The following ZNF423 variants were observed in gnomAD, a reference collection of about 807,000 sequenced individuals.
The protein encoded by ZNF423 is zinc finger protein 423.
ZNF423 carries 12 observed loss-of-function variants against 95.8 expected under a neutral mutation model. The observed-to-expected ratio is 0.13, with a 90% confidence interval of 0.08 to 0.20. The LOEUF (loss-of-function observed/expected upper bound fraction) is 0.20, where lower values mean the gene tolerates loss of function less well. Among genes scored for constraint, ZNF423 ranks in the 10% least tolerant of loss-of-function variants. ZNF423 has a pLI of 1.00. For missense variants in ZNF423, 1,316 were observed against 1,737.1 expected (o/e 0.76, Z 4.31); for synonymous variants, 749 against 711.9 (o/e 1.05, Z -0.83).
intron 5 of ZNF423, among the ~76,000 whole-genome samples, chr16:49,533,984 C>T (rs1331691959): frequency 6.6e-6 from 1 of 151,976 alleles, no homozygotes; most frequent in Non-Finnish European, 1.5e-5. Context: ...ACAGTGAGAC[C>T]CCATCTCTAC....
intron 2 of ZNF423, among the ~76,000 whole-genome samples, chr16:49,746,823 T>C (rs1013331727): frequency 6.6e-6 from 1 of 152,008 alleles, no homozygotes; most frequent in Non-Finnish European, 1.5e-5. Context: ...AAGAACTACT[T>C]CCTCCTAACA....
chr16:49,853,614 C>A, intron 1 of ZNF423: 1 of 985,182 alleles, frequency 1.0e-6, no homozygotes, highest in Non-Finnish European at 1.2e-6. Context: ...TGCCTTTCTC[C>A]TACCAACCTG....
At chr16:49,589,360 T>C (rs571366365) in intron 5 of ZNF423, among the ~76,000 whole-genome samples, 2 of 152,364 alleles carry the variant, frequency 1.3e-5, no homozygotes, top group South Asian at 4.1e-4. Flanking sequence ...CCTCTGCTAC[T>C]CGCTCTACTC....
chr16:49,507,002 G>A (rs985148205), intron 7 of ZNF423, among the ~76,000 whole-genome samples: 9 of 152,008 alleles, frequency 5.9e-5, no homozygotes, highest in Middle Eastern at 3.2e-3. Context: ...TGGGTAGGAC[G>A]GTAAACGTTG....
chr16:49,832,069 G>A (rs1489492832), intron 1 of ZNF423, among the ~76,000 whole-genome samples: 2 of 152,232 alleles, frequency 1.3e-5, no homozygotes, highest in Admixed American at 6.5e-5. Flanking sequence ...CTAAAGTGGA[G>A]GCTCCATAAA....
intron 5 of ZNF423, among the ~76,000 whole-genome samples, chr16:49,575,127 A>T (rs1970456042): frequency 6.6e-6 from 1 of 152,108 alleles, no homozygotes; most frequent in South Asian, 2.1e-4. Flanking sequence ...TCGTAATGAG[A>T]AGAAAGTGGC....
In ZNF423 at chr16:49,728,241, T is replaced by C. The variant is rs1428006716; in HGVS notation, c.301+2530A>G. Among the ~76,000 whole-genome samples the C allele has an allele frequency of 7.9e-5, 12 of 152,336 alleles. 1 individual carries two copies. The East Asian group carries it at 1.7e-3, about 22-fold the overall frequency. On this transcript the variant is annotated intron_variant, in intron 3 of 7. Coordinates refer to ENST00000563137, the MANE Select transcript of ZNF423 (RefSeq NM_001379286.1). The stretch of plus-strand genomic sequence containing the variant: ...CAATTCCCGGTGGTTTATCCCATCA[T>C]TGAGTAATCCTAAGAACCGAAGACC...
intron 1 of ZNF423, among the ~76,000 whole-genome samples, chr16:49,853,427 TA>T (rs1026262768): frequency 1.4e-4 from 21 of 152,250 alleles, no homozygotes; most frequent in African/African-American, 5.1e-4. Context: ...TTCACCCCAG[TA>T]AACAGAATAA....
intron 5 of ZNF423, among the ~76,000 whole-genome samples, chr16:49,567,472 C>A (rs535930216): frequency 6.6e-6 from 1 of 152,230 alleles, no homozygotes; most frequent in Non-Finnish European, 1.5e-5. Context: ...GCTAGACAGA[C>A]CCCAGAAGGG....
At chr16:49,601,242 C>T (rs532770053) in intron 5 of ZNF423, among the ~76,000 whole-genome samples, 120 of 152,284 alleles carry the variant, frequency 7.9e-4, no homozygotes, top group African/African-American at 2.7e-3. Flanking sequence ...CCATACCACG[C>T]GGGTTCCCAT....
chr16:49,698,452 C>G (rs750981008), intron 3 of ZNF423, among the ~76,000 whole-genome samples: 3 of 152,240 alleles, frequency 2.0e-5, no homozygotes, highest in Non-Finnish European at 2.9e-5. Context: ...GGTCCGCCAA[C>G]CATCCCCCGA....
intron 3 of ZNF423, among the ~76,000 whole-genome samples, chr16:49,701,867 A>T (rs940826770): frequency 2.6e-5 from 4 of 152,144 alleles, no homozygotes; most frequent in African/African-American, 9.7e-5. Context: ...AAGAAAAAAA[A>T]TCTCCCCACA....
chr16:49,597,225 G>T (rs931745794), intron 5 of ZNF423, among the ~76,000 whole-genome samples: 10 of 152,140 alleles, frequency 6.6e-5, no homozygotes, highest in Non-Finnish European at 1.3e-4. Context: ...CACAGCCCAG[G>T]CCTCACAATG....
intron 7 of ZNF423, among the ~76,000 whole-genome samples, chr16:49,508,028 T>C (rs1164449589): frequency 6.6e-6 from 1 of 152,188 alleles, no homozygotes; most frequent in Non-Finnish European, 1.5e-5. Flanking sequence ...CCGGGGCTGG[T>C]GGCCTGGGTC....
At chr16:49,628,453 C>A (rs371571516) in intron 4 of ZNF423, among the ~76,000 whole-genome samples, 3 of 151,976 alleles carry the variant, frequency 2.0e-5, no homozygotes, top group Non-Finnish European at 4.4e-5. Context: ...CATCTATTCA[C>A]CCATCAGTCT....
chr16:49,508,513 T>TAA (rs35061120), intron 7 of ZNF423, among the ~76,000 whole-genome samples: 1,202 of 101,750 alleles, frequency 0.012, 17 homozygotes, highest in African/African-American at 0.034. Flanking sequence ...TTCTCTTTCT[T>TAA]AAAAAAAAAA....
At chr16:49,844,457 T>C (rs1293792548) in intron 1 of ZNF423, among the ~76,000 whole-genome samples, 1 of 152,110 alleles carries the variant, frequency 6.6e-6, no homozygotes, top group African/African-American at 2.4e-5. Flanking sequence ...GGCATCAGCC[T>C]CTCCCAGCCG....
At chr16:49,854,231 T>C in intron 1 of ZNF423, 1 of 985,222 alleles carries the variant, frequency 1.0e-6, no homozygotes, top group South Asian at 4.7e-5. Context: ...AAGACCAACT[T>C]CTCTCAGGGA....
At chr16:49,780,245 G>A (rs998697863) in intron 2 of ZNF423, among the ~76,000 whole-genome samples, 7 of 152,192 alleles carry the variant, frequency 4.6e-5, no homozygotes, top group South Asian at 2.1e-4. Context: ...CAGGCATGTC[G>A]ACGAGGAAGC....
Sources: allele counts gnomAD v4.1 joint callset (sites outside exome capture counted in the v4.1 genomes callset), GRCh38; gene constraint gnomAD v4.1.1; transcripts MANE v1.5; gene names NCBI Gene and HGNC (gene_info 2026-07-23, HGNC 2026-07-21).